Variants in AAK1 observed in about 807,000 individuals in gnomAD.
AAK1 encodes AP2-associated protein kinase 1.
Under a neutral mutation model 116.0 loss-of-function variants are expected in AAK1, and 37 were observed. The ratio of observed to expected loss-of-function variants is 0.32; its 90% CI spans 0.25 to 0.42. The LOEUF is 0.42. Among genes scored for constraint, AAK1 ranks in the 10% least tolerant of loss-of-function variants. The pLI is 1.00. For synonymous variants in AAK1, 458 were observed against 439.9 expected (o/e 1.04, Z -0.51); for missense variants, 919 against 1,170.6 (o/e 0.79, Z 3.14).
chr2:69,598,408 G>C (rs1021033573), intron 2 of AAK1: 4 of 298,380 alleles, frequency 1.3e-5, no homozygotes, highest in African/African-American at 4.4e-5. Flanking sequence ...ATCTATAAAT[G>C]ATGAGTCATG....
At chr2:69,567,425 C>G (rs1404259142) in intron 2 of AAK1, among the ~76,000 whole-genome samples, 2 of 152,178 alleles carry the variant, frequency 1.3e-5, no homozygotes, top group Non-Finnish European at 2.9e-5. Flanking sequence ...CCTGTACACT[C>G]TAAACTGCAC....
chr2:69,481,092 C>T (rs1675072313), intron 18 of AAK1, 131 bp from the exon 19 acceptor site: 3 of 759,236 alleles, frequency 4.0e-6, no homozygotes, highest in Non-Finnish European at 6.1e-6. Context: ...TGCTCCTGAG[C>T]TCAAGCGATC....
chr2:69,499,067 A>G (rs1675868966), intron 16 of AAK1, among the ~76,000 whole-genome samples: 1 of 152,174 alleles, frequency 6.6e-6, no homozygotes, highest in Non-Finnish European at 1.5e-5. Flanking sequence ...CCAGTGTGCC[A>G]GCAGCTGCTA....
chr2:69,530,340 C>T (rs1169222419), intron 7 of AAK1, among the ~76,000 whole-genome samples, 200 bp from the exon 8 acceptor site: 1 of 152,126 alleles, frequency 6.6e-6, no homozygotes, highest in Non-Finnish European at 1.5e-5. Flanking sequence ...ATTACCAAAT[C>T]GTGTTCCAGT....
chr2:69,543,093 G>A (rs1307693682), intron 4 of AAK1, among the ~76,000 whole-genome samples: 1 of 152,118 alleles, frequency 6.6e-6, no homozygotes, highest in Non-Finnish European at 1.5e-5. Context: ...TTTATACTTT[G>A]AACTTCAAGA....
rs762543235 is a variant in AAK1 at position 69,532,959 on chromosome 2, T to C, written c.535-797A>G. ...TACAAATGAAATGACAACTCCAAAA[T>C]AGTGGGCACTATGTACTCAAGGTGT... On this transcript the variant is annotated intron_variant, in intron 5 of 21. Coordinates refer to ENST00000409085, the MANE Select transcript of AAK1 (RefSeq NM_014911.5). Among the ~76,000 whole-genome samples the C allele has an allele frequency of 5.9e-5, 9 of 152,154 alleles. No homozygotes were observed. In the South Asian group the frequency reaches 6.2e-4, roughly 11 times the overall value.
rs2104889715 is a variant in AAK1 at position 69,479,054 on chromosome 2, G to C, written c.2577C>G (p.Leu859=). 2 of 1,607,798 alleles carry C rather than the reference G, an allele frequency of 1.2e-6. No individual in the cohort carries two copies. Among genetic ancestry groups the C allele is most frequent in the Non-Finnish European group, 1.7e-6 (2 of 1,174,306 alleles). Residue 859 remains leucine (L), a synonymous_variant, in exon 20 of 22, where the codon CTC becomes CTG. Transcript: ENST00000409085. The part of the protein sequence containing the change: ...ESVTSNRTDS[L]TGEDSLLDCS... ...AATCAAGCAGGGAATCTTCCCCGGT[G>C]AGAGAATCTGAGTCCAGATTAACAG...
Position 69,470,576 on chromosome 2 carries a change from T to C in AAK1, c.*5293A>G. On this transcript the variant is annotated 3_prime_UTR_variant, in exon 22 of 22. Coordinates refer to ENST00000409085, the MANE Select transcript of AAK1 (RefSeq NM_014911.5). ...GTTTTCTCACTGGGGATAAAATTATTCTTGCCAACACAAAATGTTTAATTA... is the reference window on the plus strand; with the variant it reads ...GTTTTCTCACTGGGGATAAAATTATCCTTGCCAACACAAAATGTTTAATTA... 1 of 985,436 alleles carries C rather than the reference T, an allele frequency of 1.0e-6. No homozygotes were observed. Among genetic ancestry groups the C allele is most frequent in the Non-Finnish European group, 1.2e-6 (1 of 829,930 alleles). The allele number at this position is 985,436 out of a possible 1,614,324, so 61.0% of individuals were successfully genotyped here.
intron 5 of AAK1, among the ~76,000 whole-genome samples, chr2:69,535,931 G>C (rs1215855058): frequency 1.3e-5 from 2 of 152,228 alleles, no homozygotes; most frequent in African/African-American, 4.8e-5. Context: ...AAACCAGAGT[G>C]ATAATAACAG....
intron 5 of AAK1, among the ~76,000 whole-genome samples, chr2:69,532,689 C>T (rs1040970778): frequency 1.3e-5 from 2 of 152,144 alleles, no homozygotes; most frequent in African/African-American, 4.8e-5. Flanking sequence ...TTCACTTGGA[C>T]CTTATAAGTA....
At chr2:69,580,670 C>T (rs1370012516) in intron 2 of AAK1, among the ~76,000 whole-genome samples, 3 of 152,178 alleles carry the variant, frequency 2.0e-5, no homozygotes, top group African/African-American at 7.2e-5. Flanking sequence ...TTTCACATTT[C>T]CCTTTTTATT....
rs974042708 is a variant in AAK1 at position 69,465,765 on chromosome 2, T to C, written c.*10104A>G. The C allele has an allele frequency of 1.5e-6, 2 of 1,290,786 alleles. No homozygotes were observed. The highest frequency in any genetic ancestry group is 5.6e-5 in the East Asian group (1 of 18,012). 80.0% of individuals were successfully genotyped at this position (1,290,786 alleles called of 1,614,324 possible). On this transcript the variant is annotated 3_prime_UTR_variant, in exon 22 of 22. Transcript: ENST00000409085. ...GCAGGATCCCCTGGGAGAGATGCTG[T>C]CCAGATGGTCTGCTGCTTGTACAGA...
At chr2:69,529,590 A>AT (rs1670167166) in intron 8 of AAK1, among the ~76,000 whole-genome samples, 1 of 152,220 alleles carries the variant, frequency 6.6e-6, no homozygotes, top group East Asian at 1.9e-4. Flanking sequence ...CCACGGAGTT[A>AT]TATAGTCTTA....
chr2:69,544,350 T>G (rs565802422), intron 4 of AAK1, 86 bp downstream of exon 4: 31 of 998,334 alleles, frequency 3.1e-5, no homozygotes, highest in Non-Finnish European at 4.8e-5. Flanking sequence ...TAGAGTGCAG[T>G]GCACATTAAG....
At chr2:69,485,793 G>C (rs1287925754) in intron 17 of AAK1, among the ~76,000 whole-genome samples, 1 of 151,698 alleles carries the variant, frequency 6.6e-6, no homozygotes, top group African/African-American at 2.4e-5. Context: ...CCAGTAACTG[G>C]GATTACGAGT....
intron 2 of AAK1, among the ~76,000 whole-genome samples, chr2:69,625,728 TATAAAATA>T (rs1203458958): frequency 2.0e-5 from 3 of 152,364 alleles, no homozygotes; most frequent in South Asian, 2.1e-4. Context: ...GAAATATATG[TATAAAATA>T]TTTCAAAATA....
chr2:69,575,716 C>T (rs1267729152), intron 2 of AAK1, among the ~76,000 whole-genome samples: 2 of 152,108 alleles, frequency 1.3e-5, no homozygotes. Flanking sequence ...GATCCACCCG[C>T]CTTGGCCACC....
At chr2:69,621,792 T>C (rs2105238388) in intron 2 of AAK1, among the ~76,000 whole-genome samples, 3 of 152,308 alleles carry the variant, frequency 2.0e-5, no homozygotes, top group Admixed American at 2.0e-4. Flanking sequence ...TGGGTGCCAC[T>C]TCCATCTCAC....
chr2:69,556,842 T>A lies in AAK1; in HGVS notation c.282+18A>T. On this transcript the variant is annotated intron_variant, in intron 3 of 21. Transcript: ENST00000409085. ...TGCCTCCATTTTAAACAGTCCCAAG[T>A]CCAAGGGGCAGCCTTACCATTATCT... The A allele has an allele frequency of 6.3e-7, 1 of 1,586,392 alleles. No homozygotes were observed. The highest frequency in any genetic ancestry group is 1.1e-5 in the South Asian group (1 of 90,384).
Sources: allele counts gnomAD v4.1 joint callset (sites outside exome capture counted in the v4.1 genomes callset), GRCh38; gene constraint gnomAD v4.1.1; transcripts MANE v1.5; gene names NCBI Gene and HGNC (gene_info 2026-07-23, HGNC 2026-07-21).